Variants in SPAG16 observed in about 807,000 individuals in gnomAD.
SPAG16 encodes the protein sperm-associated antigen 16 protein.
SPAG16 carries 86 observed loss-of-function variants against 80.4 expected under a neutral mutation model. The ratio of observed to expected loss-of-function variants is 1.07; its 90% CI spans 0.90 to 1.28. The LOEUF is 1.28. Among genes scored for constraint, SPAG16 ranks in the 50% most tolerant of loss-of-function variants. The probability of loss-of-function intolerance (pLI) is 0.00; values close to 1 mark genes in which losing one functional copy is unlikely to be tolerated. For synonymous variants in SPAG16, 294 were observed against 265.9 expected, an observed-to-expected ratio of 1.11 and a Z score of -1.03; for missense variants, 870 against 765.3, an observed-to-expected ratio of 1.14 and a Z score of -1.61.
At chr2:213,642,048 G>A (rs1002104309) in intron 10 of SPAG16, among the ~76,000 whole-genome samples, 1 of 152,162 alleles carries the variant, frequency 6.6e-6, no homozygotes, top group Non-Finnish European at 1.5e-5. Context: ...GGGATTACAG[G>A]TCCCTCCTTG....
intron 9 of SPAG16, among the ~76,000 whole-genome samples, chr2:213,405,768 GTCC>G (rs2068578987): frequency 6.6e-6 from 1 of 152,278 alleles, no homozygotes; most frequent in East Asian, 1.9e-4. Flanking sequence ...TTAATGTAAT[GTCC>G]TCCAATTCCA....
rs564448067 is a variant in SPAG16 at position 213,620,453 on chromosome 2, C to T, written c.1070+130363C>T. Among the ~76,000 whole-genome samples, 12 of 151,752 alleles carry T rather than the reference C, an allele frequency of 7.9e-5. No homozygotes were observed. The South Asian group carries it at 2.3e-3, about 29-fold the overall frequency. On this transcript the variant is annotated intron_variant, in intron 10 of 15. Transcript: ENST00000331683. ...GACTACAGGCACCCGCCACCACGCC[C>T]GGCTAATTTTTTGTATTTTTAGTAG...
intron 10 of SPAG16, among the ~76,000 whole-genome samples, chr2:213,637,605 C>CA (rs1157913973): frequency 6.6e-6 from 1 of 152,118 alleles, no homozygotes; most frequent in African/African-American, 2.4e-5. Context: ...TTTTAATTAT[C>CA]ATTTCAATCT....
intron 10 of SPAG16, among the ~76,000 whole-genome samples, chr2:213,640,110 G>A (rs1458028920): frequency 1.3e-5 from 2 of 151,808 alleles, no homozygotes; most frequent in Non-Finnish European, 2.9e-5. Context: ...TATTTATGAT[G>A]TCTATTCTCT....
intron 15 of SPAG16, among the ~76,000 whole-genome samples, chr2:214,375,907 A>C (rs1333188190): frequency 6.6e-6 from 1 of 152,068 alleles, no homozygotes; most frequent in African/African-American, 2.4e-5. Context: ...ACATTTCTAC[A>C]ATTGGAAATT....
At chr2:214,379,249 G>A (rs979793666) in intron 15 of SPAG16, among the ~76,000 whole-genome samples, 2 of 152,162 alleles carry the variant, frequency 1.3e-5, no homozygotes, top group Non-Finnish European at 2.9e-5. Flanking sequence ...AACCAACTCT[G>A]TAGTCAAAGT....
chr2:214,118,025 T>A (rs904849870), intron 14 of SPAG16, among the ~76,000 whole-genome samples: 1 of 152,068 alleles, frequency 6.6e-6, no homozygotes. Flanking sequence ...CAAAAAGAAA[T>A]AACGCGCATC....
chr2:214,117,631 AC>A (rs1263819002), intron 14 of SPAG16, among the ~76,000 whole-genome samples: 1 of 152,160 alleles, frequency 6.6e-6, no homozygotes, highest in Non-Finnish European at 1.5e-5. Flanking sequence ...ACCAAATCCA[AC>A]AGCACATCGA....
intron 11 of SPAG16, among the ~76,000 whole-genome samples, chr2:213,902,061 G>T (rs778927333): frequency 1.1e-4 from 16 of 152,142 alleles, no homozygotes; most frequent in Admixed American, 9.2e-4. Flanking sequence ...TCATATTTAG[G>T]CCCAGAGATC....
chr2:213,820,346 T>C (rs556373786), intron 10 of SPAG16, among the ~76,000 whole-genome samples: 1 of 151,654 alleles, frequency 6.6e-6, no homozygotes, highest in Non-Finnish European at 1.5e-5. Flanking sequence ...TTATTGATTT[T>C]TGGTAACCTT....
At chr2:213,422,559 A>C in intron 9 of SPAG16, 1 of 428,432 alleles carries the variant, frequency 2.3e-6, no homozygotes, top group South Asian at 4.6e-5. Context: ...AGGCCCAAGC[A>C]AAACTTGGGC....
At chr2:213,297,025 A>G (rs1452584874) in intron 2 of SPAG16, 13 of 1,320,912 alleles carry the variant, frequency 9.8e-6, no homozygotes, top group Non-Finnish European at 1.3e-5. Flanking sequence ...ATTATAGATA[A>G]AAGCAGTTGC....
intron 14 of SPAG16, among the ~76,000 whole-genome samples, chr2:214,142,659 G>C (rs2055422081): frequency 6.6e-6 from 1 of 152,116 alleles, no homozygotes; most frequent in African/African-American, 2.4e-5. Flanking sequence ...TGAAACCACA[G>C]ATCCAGTCAC....
rs149099947 is a variant in SPAG16, at chr2:213,947,846, G to A, written c.1400+17701G>A. ...TCATATAGTTTTGATTATTATAACC[G>A]TATAGTAAGTCTTAAAATCAGATAG... On this transcript the variant is annotated intron_variant, in intron 12 of 15. Coordinates refer to ENST00000331683, the MANE Select transcript of SPAG16 (RefSeq NM_024532.5). Among the ~76,000 whole-genome samples, 295 of 152,088 alleles carry A rather than the reference G, an allele frequency of 1.9e-3. 1 individual carries two copies. The highest frequency in any genetic ancestry group is 6.7e-3 in the African/African-American group (276 of 41,496).
chr2:213,831,729 G>T (rs1458244292), intron 10 of SPAG16, among the ~76,000 whole-genome samples: 1 of 152,022 alleles, frequency 6.6e-6, no homozygotes, highest in East Asian at 1.9e-4. Flanking sequence ...GCTTATGTAT[G>T]CCACATCACC....
chr2:213,621,182 T>A (rs1220481062), intron 10 of SPAG16, among the ~76,000 whole-genome samples: 2 of 152,202 alleles, frequency 1.3e-5, no homozygotes, highest in African/African-American at 4.8e-5. Context: ...TAGATTTTAT[T>A]ATTTATTTTC....
At chr2:214,294,274 T>G (rs1693990659) in intron 15 of SPAG16, among the ~76,000 whole-genome samples, 1 of 152,192 alleles carries the variant, frequency 6.6e-6, no homozygotes, top group Admixed American at 6.5e-5. Context: ...TGTGGAGCCC[T>G]GGGGATCACA....
chr2:214,153,874 TA>T (rs34521951), intron 15 of SPAG16, among the ~76,000 whole-genome samples: 1 of 152,100 alleles, frequency 6.6e-6, no homozygotes, highest in African/African-American at 2.4e-5. Context: ...CTCATACATT[TA>T]AAAAGTTGTA....
At chr2:214,099,291 C>A (rs757245949) in intron 13 of SPAG16, among the ~76,000 whole-genome samples, 1 of 152,020 alleles carries the variant, frequency 6.6e-6, no homozygotes, top group Non-Finnish European at 1.5e-5. Flanking sequence ...ACAAATTAAT[C>A]TATAAATAAC....
Sources: allele counts gnomAD v4.1 joint callset (sites outside exome capture counted in the v4.1 genomes callset), GRCh38; gene constraint gnomAD v4.1.1; transcripts MANE v1.5; gene names NCBI Gene and HGNC (gene_info 2026-07-23, HGNC 2026-07-21).